Variants in DNAH17 observed in about 807,000 individuals in gnomAD.
The protein encoded by DNAH17 is axonemal beta dynein heavy chain 17.
Under a neutral mutation model 485.6 loss-of-function variants are expected in DNAH17, and 376 were observed. The observed-to-expected ratio is 0.77, with a 90% CI of 0.71 to 0.84. The LOEUF is 0.84. Ranked by LOEUF, DNAH17 falls within the 40% of genes least tolerant of loss-of-function variation. The pLI is 0.00. For synonymous variants in DNAH17, 3,031 were observed against 2,405.9 expected, an observed-to-expected ratio of 1.26 and a Z score of -7.60; for missense variants, 6,370 against 5,839.3, an observed-to-expected ratio of 1.09 and a Z score of -2.96.
intron 16 of DNAH17, 103 bp downstream of exon 16, chr17:78,551,432 C>T: frequency 1.9e-6 from 2 of 1,038,044 alleles, no homozygotes; most frequent in South Asian, 1.4e-5. Context: ...CACTGCACCC[C>T]ACACATCGCA....
chr17:78,453,565 G>T (rs565798386), intron 64 of DNAH17, 100 bp from the exon 65 acceptor site: 4 of 1,484,178 alleles, frequency 2.7e-6, no homozygotes, highest in Non-Finnish European at 3.6e-6. Context: ...GCGAGACAGC[G>T]CCAAGCGAGG....
chr17:78,532,382 G>A (rs762729517), intron 20 of DNAH17, 100 bp downstream of exon 20: 68 of 1,439,334 alleles, frequency 4.7e-5, no homozygotes, highest in Non-Finnish European at 6.2e-5. Flanking sequence ...CTGGAAACCT[G>A]CATCTTAAAA....
At chr17:78,438,297 G>A (rs1388864455) in intron 73 of DNAH17, among the ~76,000 whole-genome samples, 3 of 150,010 alleles carry the variant, frequency 2.0e-5, no homozygotes, top group African/African-American at 4.9e-5. Context: ...TCGAGGACAA[G>A]CGGTAGTGAG....
At chr17:78,510,750 G>GCCCCCCCCCCCCC (rs2090612882) in intron 26 of DNAH17, 1 of 306,164 alleles carries the variant, frequency 3.3e-6, no homozygotes, top group African/African-American at 5.6e-5. Flanking sequence ...GCGGAATTGC[G>GCCCCCCCCCCCCC]GCCCCCCCGC....
rs1245288804 is a variant in DNAH17, at chr17:78,491,575, G to A, written c.6542-5C>T. ...GCATGATGGTGGAGAACAGGCCTGG[G>A]GGAGGCGCGTGGTATGACCCCGGGC... On this transcript the variant is annotated splice_polypyrimidine_tract_variant and splice_region_variant and intron_variant, in intron 42 of 80. Coordinates refer to ENST00000389840, the MANE Select transcript of DNAH17 (RefSeq NM_173628.4). 1.2e-6 allele frequency: 2 copies of A among 1,613,598 alleles called. No homozygotes were observed. Among genetic ancestry groups the A allele is most frequent in the East Asian group, 4.5e-5 (2 of 44,866 alleles).
chr17:78,429,115 C>T lies in DNAH17; in HGVS notation c.12405+6G>A. ...GTTGAGCTCCTGTTTAACTTGTCATCCTTACCTTGTAGTCCAGGTTGGGGG... is the reference window on the plus strand; with the variant it reads ...GTTGAGCTCCTGTTTAACTTGTCATTCTTACCTTGTAGTCCAGGTTGGGGG... On this transcript the variant is annotated splice_donor_region_variant and intron_variant, in intron 76 of 80. Transcript: ENST00000389840. 1.9e-6 allele frequency: 3 copies of T among 1,612,346 alleles called. No homozygotes were observed. Among genetic ancestry groups the T allele is most frequent in the Non-Finnish European group, 8.5e-7 (1 of 1,178,862 alleles).
intron 74 of DNAH17, 56 bp downstream of exon 74, chr17:78,437,585 T>C: frequency 6.9e-7 from 1 of 1,448,658 alleles, no homozygotes; most frequent in East Asian, 2.4e-5. Context: ...CCCCAAGGGA[T>C]GGATGCCAGG....
At position 78,537,374 on chromosome 17, in the gene DNAH17, G is replaced by C; in HGVS notation, c.2784C>G (p.Ile928Met). ...VGSDRGFLAL[I>M]EGLVNDIYNV... is the part of the protein sequence containing the mutation. ...TGTAGATGTCGTTGACCAGGCCCTC[G>C]ATCAGTGCCAGGAAGCCGCGATCTG... The change falls in exon 19 of 81, where the codon ATC becomes ATG. Residue 928 changes from isoleucine to methionine, a missense_variant. By Grantham distance (10) the Ile-to-Met change is conservative. Transcript: ENST00000389840. 1.2e-6 allele frequency: 2 copies of C among 1,611,952 alleles called. No individual in the cohort carries two copies. Among genetic ancestry groups the C allele is most frequent in the Non-Finnish European group, 1.7e-6 (2 of 1,179,272 alleles).
At chr17:78,536,288 A>T (rs1598664269) in intron 19 of DNAH17, among the ~76,000 whole-genome samples, 2 of 151,932 alleles carry the variant, frequency 1.3e-5, no homozygotes, top group East Asian at 1.9e-4. Flanking sequence ...AAATATATAA[A>T]AAAAAAGAAA....
intron 44 of DNAH17, among the ~76,000 whole-genome samples, chr17:78,487,147 G>A (rs535757662): frequency 2.6e-5 from 4 of 152,290 alleles, no homozygotes; most frequent in East Asian, 1.9e-4. Flanking sequence ...GGCCCACCAC[G>A]GCGGTGAGGG....
chr17:78,503,020 G>C lies in DNAH17; in HGVS notation c.4957-9C>G. 6.2e-7 allele frequency: 1 copy of C among 1,612,112 alleles called. No homozygotes were observed. Reference sequence around the variant, plus strand: ...TTCAGCCACACTTCCACCTGGGGACGGGAGCCACGGTGACCAATACAGCCA... The same window carrying C: ...TTCAGCCACACTTCCACCTGGGGACCGGAGCCACGGTGACCAATACAGCCA... On this transcript the variant is annotated splice_polypyrimidine_tract_variant and intron_variant, in intron 31 of 80. Transcript: ENST00000389840.
intron 14 of DNAH17, among the ~76,000 whole-genome samples, chr17:78,553,317 TTTAA>T (rs2091950868): frequency 2.3e-5 from 1 of 43,606 alleles, no homozygotes; most frequent in African/African-American, 8.7e-5. Context: ...TTTTTTTTTT[TTTAA>T]GATGGAGTCT....
At chr17:78,560,662 C>A in intron 13 of DNAH17, 78 bp downstream of exon 13, 1 of 1,417,048 alleles carries the variant, frequency 7.1e-7, no homozygotes, top group Non-Finnish European at 9.4e-7. Flanking sequence ...CTCCATAAAT[C>A]CGTGCTGAGG....
intron 76 of DNAH17, 107 bp from the exon 77 acceptor site, chr17:78,428,814 C>G: frequency 7.5e-7 from 1 of 1,333,754 alleles, no homozygotes; most frequent in Non-Finnish European, 1.1e-6. Context: ...ACCTTGCTGT[C>G]TGTACAGATC....
Position 78,450,478 on chromosome 17 carries a change from C to T in DNAH17, c.10900-84G>A, listed in dbSNP as rs1026328931. On this transcript the variant is annotated intron_variant, in intron 67 of 80. Transcript: ENST00000389840. ...TGGGCTCATTCCCAGCCACCAGCCTCGCTCCCTGGGAAGCCACCCAAGGGC... is the reference window on the plus strand; with the variant it reads ...TGGGCTCATTCCCAGCCACCAGCCTTGCTCCCTGGGAAGCCACCCAAGGGC... The T allele has an allele frequency of 5.5e-5, 86 of 1,552,726 alleles. 1 individual carries two copies. The highest frequency in any genetic ancestry group is 1.9e-4 in the South Asian group (16 of 85,290).
At chr17:78,542,427 C>T (rs904843704) in intron 17 of DNAH17, among the ~76,000 whole-genome samples, 16 of 152,274 alleles carry the variant, frequency 1.1e-4, no homozygotes, top group African/African-American at 2.9e-4. Flanking sequence ...GGACTACCAG[C>T]GTGAGCCACT....
intron 54 of DNAH17, among the ~76,000 whole-genome samples, chr17:78,474,282 C>T (rs185709141): frequency 6.6e-6 from 1 of 152,372 alleles, no homozygotes; most frequent in East Asian, 1.9e-4. Context: ...GGCCCCAGCA[C>T]ACAGAGAAGG....
rs376521932 is a variant in DNAH17 at position 78,479,016 on chromosome 17, G to A, written c.7992+9C>T. ...AGGCAGGCATGACATAAAGCTACAAGAGCAGTACCTGGAAAATATTGGAGA... is the reference window on the plus strand; with the variant it reads ...AGGCAGGCATGACATAAAGCTACAAAAGCAGTACCTGGAAAATATTGGAGA... On this transcript the variant is annotated intron_variant, in intron 51 of 80. Transcript: ENST00000389840. The A allele has an allele frequency of 1.2e-5, 20 of 1,612,174 alleles. No homozygotes were observed. The highest frequency in any genetic ancestry group is 8.5e-6 in the Non-Finnish European group (10 of 1,178,536).
chr17:78,560,126 G>A (rs1323844862), intron 13 of DNAH17, among the ~76,000 whole-genome samples: 2 of 151,858 alleles, frequency 1.3e-5, no homozygotes, highest in Non-Finnish European at 2.9e-5. Flanking sequence ...CTGCCTGGAG[G>A]TAGGCTCTAG....
Sources: allele counts gnomAD v4.1 joint callset (sites outside exome capture counted in the v4.1 genomes callset), GRCh38; gene constraint gnomAD v4.1.1; transcripts MANE v1.5; gene names NCBI Gene and HGNC (gene_info 2026-07-23, HGNC 2026-07-21).